Variants in IPCEF1 observed in about 807,000 individuals in gnomAD.
IPCEF1 encodes interaction protein for cytohesin exchange factors 1, also known as interactor protein for cytohesin exchange factors 1.
IPCEF1 carries 31 observed loss-of-function variants against 50.9 expected under a neutral mutation model. That is an observed-to-expected ratio of 0.61 (90% CI 0.46 to 0.82). IPCEF1 has a LOEUF of 0.82. Ranked by LOEUF, IPCEF1 falls within the 40% of genes least tolerant of loss-of-function variation. IPCEF1 has a pLI of 0.00. For synonymous variants in IPCEF1, 181 were observed against 192.0 expected (o/e 0.94, Z 0.47); for missense variants, 458 against 514.0 (o/e 0.89, Z 1.05).
chr6:154,154,818 TG>T lies in IPCEF1; in HGVS notation c.*5009del, dbSNP rs749844639. ...CTCTTTTTCAGTTTAGAGGGGTAGC[TG>T]ACACAGGATGAGAGCACAGTAAAAC... On this transcript the variant is annotated 3_prime_UTR_variant, in exon 12 of 12. Coordinates refer to ENST00000367220, the MANE Select transcript of IPCEF1 (RefSeq NM_001130700.2). The T allele has an allele frequency of 1.3e-5, 2 of 152,616 alleles. No individual in the cohort carries two copies. The highest frequency in any genetic ancestry group is 2.9e-5 in the Non-Finnish European group (2 of 68,040). 9.5% of individuals were successfully genotyped at this position (152,616 alleles called of 1,614,324 possible).
intron 3 of IPCEF1, among the ~76,000 whole-genome samples, chr6:154,253,907 AT>A (rs1320602951): frequency 1.3e-4 from 19 of 151,616 alleles, no homozygotes; most frequent in Non-Finnish European, 2.5e-4. Context: ...AATTACTGTT[AT>A]TTTTTTTCCA....
intron 2 of IPCEF1, among the ~76,000 whole-genome samples, chr6:154,289,507 C>T (rs2128668347): frequency 6.6e-6 from 1 of 151,624 alleles, no homozygotes; most frequent in Admixed American, 6.6e-5. Flanking sequence ...CTTAATTCTC[C>T]CACTGAAAAA....
chr6:154,301,885 T>G (rs1221362280), intron 1 of IPCEF1, among the ~76,000 whole-genome samples: 2 of 152,176 alleles, frequency 1.3e-5, no homozygotes, highest in Non-Finnish European at 2.9e-5. Context: ...ATATTTTAAA[T>G]CTAGATTCTA....
At chr6:154,217,487 C>A (rs181525382) in intron 7 of IPCEF1, 1 of 150,074 alleles carries the variant, frequency 6.7e-6, no homozygotes, top group African/African-American at 2.4e-5. Context: ...GCTCATGGCA[C>A]GAGCATCGAT....
At chr6:154,289,885 A>G (rs1376641026) in intron 1 of IPCEF1, 129 bp from the exon 2 acceptor site, 3 of 152,222 alleles carry the variant, frequency 2.0e-5, no homozygotes, top group African/African-American at 7.2e-5. Flanking sequence ...AATAAGCAAC[A>G]GAACAGTAAG....
chr6:154,212,818 T>G lies in IPCEF1; in HGVS notation c.489A>C (p.Ile163=), dbSNP rs771338639. 7.4e-6 allele frequency: 12 copies of G among 1,613,792 alleles called. No homozygotes were observed. The East Asian group carries it at 2.7e-4, about 36-fold the overall frequency. Residue 163 remains isoleucine, a synonymous_variant, in exon 9 of 12, where the codon ATA becomes ATC. Transcript: ENST00000367220. ...GAGGAGGGGGTGGTGTCTCCGCAGC[T>G]ATTTCTGGATCTTCCTGTTCACTTT... ...YSESEQEDPE[I]AAETPPPPHA...
intron 10 of IPCEF1, among the ~76,000 whole-genome samples, chr6:154,180,347 C>CATAT (rs143058126): frequency 0.015 from 2,128 of 142,110 alleles, 16 homozygotes; most frequent in Non-Finnish European, 0.017. Flanking sequence ...AGAAAGGAGA[C>CATAT]ATATATATAT....
intron 5 of IPCEF1, among the ~76,000 whole-genome samples, chr6:154,236,244 C>T (rs1256394402): frequency 6.6e-6 from 1 of 152,166 alleles, no homozygotes; most frequent in Non-Finnish European, 1.5e-5. Flanking sequence ...GACCTGCTAC[C>T]ACATGGATGA....
At chr6:154,307,255 C>T (rs1319980914) in intron 1 of IPCEF1, among the ~76,000 whole-genome samples, 1 of 152,130 alleles carries the variant, frequency 6.6e-6, no homozygotes, top group Admixed American at 6.6e-5. Context: ...CTTTCCTGTG[C>T]TGTTCTCATG....
chr6:154,353,300 T>A (rs1417235725), intron 1 of IPCEF1, among the ~76,000 whole-genome samples: 9 of 148,440 alleles, frequency 6.1e-5, no homozygotes, highest in African/African-American at 5.0e-5. Flanking sequence ...TTCCTTTTTT[T>A]TTTTTTTTTT....
chr6:154,167,471 TCC>T (rs1489314866), intron 11 of IPCEF1, among the ~76,000 whole-genome samples: 1 of 152,188 alleles, frequency 6.6e-6, no homozygotes, highest in East Asian at 1.9e-4. Flanking sequence ...TCAAGACATT[TCC>T]TTCTGGATGC....
At chr6:154,254,502 T>C (rs1268955411) in intron 3 of IPCEF1, among the ~76,000 whole-genome samples, 1 of 152,222 alleles carries the variant, frequency 6.6e-6, no homozygotes, top group Non-Finnish European at 1.5e-5. Context: ...ACTGCTCCCA[T>C]GATCCAATCA....
chr6:154,296,185 C>G (rs532605438), intron 1 of IPCEF1, among the ~76,000 whole-genome samples: 8 of 152,218 alleles, frequency 5.3e-5, no homozygotes, highest in Non-Finnish European at 8.8e-5. Flanking sequence ...GAAAGGAGCC[C>G]TTTTGGGCAA....
chr6:154,248,891 A>C (rs1037208050), intron 3 of IPCEF1, among the ~76,000 whole-genome samples: 1 of 152,096 alleles, frequency 6.6e-6, no homozygotes, highest in African/African-American at 2.4e-5. Context: ...GAGATAAACA[A>C]ATACTTTATA....
At chr6:154,211,384 G>A (rs944174721) in intron 9 of IPCEF1, among the ~76,000 whole-genome samples, 6 of 151,676 alleles carry the variant, frequency 4.0e-5, no homozygotes, top group Admixed American at 2.0e-4. Flanking sequence ...ACTCCAGGCC[G>A]GGTGACAGAG....
At position 154,290,893 on chromosome 6, in the gene IPCEF1, C is replaced by CTTTTTTTTTTTTT. The variant is rs3045866; in HGVS notation, c.-61-1150_-61-1138dup. Among the ~76,000 whole-genome samples the CTTTTTTTTTTTTT allele has an allele frequency of 7.1e-3, 900 of 127,132 alleles. 81 individuals are homozygous for CTTTTTTTTTTTTT. The highest frequency in any genetic ancestry group is 0.026 in the African/African-American group (827 of 31,408). 83.4% of individuals were successfully genotyped at this position (127,132 alleles called of 152,430 possible). A position where few individuals can be genotyped will look rare whatever the true frequency, so the allele number is the denominator to read the frequency against. On this transcript the variant is annotated intron_variant, in intron 1 of 11. Coordinates refer to ENST00000367220, the MANE Select transcript of IPCEF1 (RefSeq NM_001130700.2). ...AATTTTTCCAGTAGGAATATATTGC[C>CTTTTTTTTTTTTT]TTTTTTTTTTTTTTGAGACAGAGTC...
chr6:154,225,022 A>G (rs933751388), intron 5 of IPCEF1, among the ~76,000 whole-genome samples: 2 of 152,182 alleles, frequency 1.3e-5, no homozygotes, highest in Non-Finnish European at 2.9e-5. Context: ...AGGTCTCATC[A>G]ATTCCACTTT....
At chr6:154,264,790 G>A (rs559937581) in intron 3 of IPCEF1, among the ~76,000 whole-genome samples, 22 of 152,196 alleles carry the variant, frequency 1.4e-4, no homozygotes, top group Admixed American at 1.3e-3. Flanking sequence ...TCTGGGATAC[G>A]ACATTGTTAG....
At position 154,309,202 on chromosome 6, in the gene IPCEF1, T is replaced by C. The variant is rs182646238; in HGVS notation, c.-61-19446A>G. Among the ~76,000 whole-genome samples the C allele has an allele frequency of 7.9e-5, 12 of 152,348 alleles. No homozygotes were observed. In the East Asian group the frequency reaches 2.3e-3, roughly 29 times the overall value. On this transcript the variant is annotated intron_variant, in intron 1 of 11. Coordinates refer to ENST00000367220, the MANE Select transcript of IPCEF1 (RefSeq NM_001130700.2). ...CACAGATAACTTTCCCTGAGCTGTCTGAGTCAAACTACCCATTACATGGTC... is the reference window on the plus strand; with the variant it reads ...CACAGATAACTTTCCCTGAGCTGTCCGAGTCAAACTACCCATTACATGGTC...
Sources: gnomAD v4.1 joint callset for allele counts (sites outside exome capture counted in the v4.1 genomes callset) on GRCh38, gnomAD v4.1.1 for gene constraint, MANE v1.5 for transcripts, NCBI Gene and HGNC (gene_info 2026-07-23, HGNC 2026-07-21) for gene names.